MAP2K7: variants seen among roughly 807,000 people sequenced by gnomAD.
The protein encoded by MAP2K7 is mitogen-activated protein kinase kinase 7, also known as dual specificity mitogen-activated protein kinase kinase 7.
Under a neutral mutation model 47.7 loss-of-function variants are expected in MAP2K7, and 12 were observed. That is an observed-to-expected ratio of 0.25 (90% CI 0.16 to 0.41). The LOEUF is 0.41. Ranked by LOEUF, MAP2K7 falls within the 10% of genes least tolerant of loss-of-function variation. The pLI is 1.00. For synonymous variants in MAP2K7, 299 were observed against 243.0 expected (o/e 1.23, Z -2.14); for missense variants, 415 against 600.3 (o/e 0.69, Z 3.23).
chr19:7,912,715 T>C lies in MAP2K7; in HGVS notation c.*284T>C. 1 of 486,046 alleles carries C rather than the reference T, an allele frequency of 2.1e-6. No homozygotes were observed. Among genetic ancestry groups the C allele is most frequent in the Non-Finnish European group, 3.7e-6 (1 of 270,190 alleles). 30.1% of individuals were successfully genotyped at this position (486,046 alleles called of 1,614,324 possible). A position where few individuals can be genotyped will look rare whatever the true frequency, so the allele number is the denominator to read the frequency against. On this transcript the variant is annotated 3_prime_UTR_variant, in exon 11 of 11. Coordinates refer to ENST00000397979, the MANE Select transcript of MAP2K7 (RefSeq NM_145185.4). ...AGTCGCTGTTCATTCAGCCGCAGCC[T>C]CTGGGCCGGGGCGGCCCCCAGGGGC...
chr19:7,910,004 TGGG>T, intron 2 of MAP2K7, 56 bp from the exon 3 acceptor site: 1 of 1,532,278 alleles, frequency 6.5e-7, no homozygotes, highest in Admixed American at 2.3e-5. Flanking sequence ...TATGGGGGAC[TGGG>T]GTGGCCAACC....
intron 1 of MAP2K7, 126 bp downstream of exon 1, chr19:7,904,194 C>CG (rs1982282062): frequency 6.3e-6 from 5 of 798,216 alleles, no homozygotes; most frequent in Non-Finnish European, 8.0e-6. Flanking sequence ...CCGCCCCCCC[C>CG]GCTGCGGGCT....
chr19:7,911,519 C>T lies in MAP2K7; in HGVS notation c.1020C>T (p.Pro340=), dbSNP rs1427761427. ...EVLTKVLQEE[P]PLLPGHMGFS... ...TCACCAAAGTCCTACAGGAAGAGCC[C>T]CCGCTTCTGCCCGGACACATGGGCT... is the stretch of plus-strand genomic sequence containing the variant. Residue 340 remains proline, a synonymous_variant, in exon 9 of 11, where the codon CCC becomes CCT. Transcript: ENST00000397979. 6 of 1,611,906 alleles carry T rather than the reference C, an allele frequency of 3.7e-6. No homozygotes were observed. The highest frequency in any genetic ancestry group is 2.2e-5 in the East Asian group (1 of 44,828).
At chr19:7,905,703 C>A in intron 1 of MAP2K7, 1 of 1,000,402 alleles carries the variant, frequency 1.0e-6, no homozygotes, top group Non-Finnish European at 1.6e-6. Context: ...TCGGTGCCTC[C>A]CCCTCCTCCT....
chr19:7,906,078 T>C, intron 1 of MAP2K7: 1 of 580,732 alleles, frequency 1.7e-6, no homozygotes, highest in Non-Finnish European at 3.1e-6. Flanking sequence ...CCAGCTCCAC[T>C]TTGGACTCCC....
rs1983035932 is a variant in MAP2K7 at position 7,913,068 on chromosome 19, C to CTT, written c.*639_*640dup. On this transcript the variant is annotated 3_prime_UTR_variant, in exon 11 of 11. Coordinates refer to ENST00000397979, the MANE Select transcript of MAP2K7 (RefSeq NM_145185.4). ...GCTCTCTCTCTCTCTCTCTCTCTCT[C>CTT]TTTGATCTCAGGGGGTCCTTTTTGG... is the stretch of plus-strand genomic sequence containing the variant. 1 of 150,344 alleles carries CTT rather than the reference C, an allele frequency of 6.7e-6. No homozygotes were observed. The highest frequency in any genetic ancestry group is 2.5e-5 in the African/African-American group (1 of 40,692). 9.3% of individuals were successfully genotyped at this position (150,344 alleles called of 1,614,324 possible).
intron 1 of MAP2K7, chr19:7,907,157 T>G (rs568745338): frequency 6.7e-6 from 1 of 149,418 alleles, no homozygotes; most frequent in African/African-American, 2.5e-5. Flanking sequence ...AAAAAAAAAA[T>G]TTAAAAAGCG....
chr19:7,905,846 C>T, intron 1 of MAP2K7: 11 of 1,612,678 alleles, frequency 6.8e-6, no homozygotes, highest in Non-Finnish European at 8.5e-6. Context: ...TGCCCCGTCC[C>T]AACGAGCAGG....
Position 7,910,289 on chromosome 19 carries a change from G to A in MAP2K7, c.363G>A (p.Glu121=). ...QRYQAEINDL[E]NLGEMGSGTC... is the part of the protein sequence containing the mutation. ...ACCAGGCAGAAATCAACGACCTGGAGAACTTGGGCGAGATGGGCAGCGGCA... is the reference window on the plus strand; with the variant it reads ...ACCAGGCAGAAATCAACGACCTGGAAAACTTGGGCGAGATGGGCAGCGGCA... Residue 121 remains glutamate, a synonymous_variant, in exon 4 of 11, where the codon GAG becomes GAA. Coordinates refer to ENST00000397979, the MANE Select transcript of MAP2K7 (RefSeq NM_145185.4). 1 of 1,613,352 alleles carries A rather than the reference G, an allele frequency of 6.2e-7. No individual in the cohort carries two copies. Among genetic ancestry groups the A allele is most frequent in the East Asian group, 2.2e-5 (1 of 44,878 alleles).
intron 1 of MAP2K7, chr19:7,906,485 G>A (rs1982466276): frequency 6.5e-6 from 1 of 152,752 alleles, no homozygotes. Context: ...GCCAGGCACG[G>A]TGGCTCACAC....
At position 7,909,748 on chromosome 19, in the gene MAP2K7, C is replaced by G; in HGVS notation, c.125-7C>G. 2.0e-6 allele frequency: 3 copies of G among 1,537,664 alleles called. No homozygotes were observed. The highest frequency in any genetic ancestry group is 2.6e-6 in the Non-Finnish European group (3 of 1,143,424). The stretch of plus-strand genomic sequence containing the variant: ...CCCCTCCCTGCCACTGGTTCTCACC[C>G]CCCTAGCCCTGCAGCTCCCGCTGGC... On this transcript the variant is annotated splice_region_variant and splice_polypyrimidine_tract_variant and intron_variant, in intron 1 of 10. Coordinates refer to ENST00000397979, the MANE Select transcript of MAP2K7 (RefSeq NM_145185.4).
At position 7,904,001 on chromosome 19, in the gene MAP2K7, G is replaced by C; in HGVS notation, c.57G>C (p.Gln19His). Reference protein sequence around the residue: ...KLSRLEAKLKQENREARRRID... With the variant: ...KLSRLEAKLKHENREARRRID... ...CCCGCCTGGAAGCAAAGCTGAAGCA[G>C]GAGAACCGGGAGGCCCGGCGGAGGA... Residue 19 changes from glutamine (Q) to histidine (H), a missense_variant, in exon 1 of 11, where the codon CAG becomes CAC. By Grantham distance (24) the Gln-to-His change is conservative (BLOSUM62 0). Coordinates refer to ENST00000397979, the MANE Select transcript of MAP2K7 (RefSeq NM_145185.4). 2 of 1,546,730 alleles carry C rather than the reference G, an allele frequency of 1.3e-6. No homozygotes were observed. The highest frequency in any genetic ancestry group is 8.7e-7 in the Non-Finnish European group (1 of 1,145,736).
Position 7,910,551 on chromosome 19 carries a change from C to T in MAP2K7, c.546C>T (p.Cys182=), listed in dbSNP as rs2030466907. The change falls in exon 5 of 11, where the codon TGC becomes TGT. Residue 182 remains cysteine (C), a synonymous_variant. Coordinates refer to ENST00000397979, the MANE Select transcript of MAP2K7 (RefSeq NM_145185.4). ...ACGACTGCCCCTACATCGTGCAGTG[C>T]TTTGGGACGTTCATCACCAACGTGA... The part of the protein sequence containing the change: ...KSHDCPYIVQ[C]FGTFITNTDV... 30 of 1,613,658 alleles carry T rather than the reference C, an allele frequency of 1.9e-5. No individual in the cohort carries two copies. The highest frequency in any genetic ancestry group is 2.5e-5 in the Non-Finnish European group (29 of 1,179,976).
Position 7,912,516 on chromosome 19 carries a change from G to A in MAP2K7, c.*85G>A, listed in dbSNP as rs1490612060. On this transcript the variant is annotated 3_prime_UTR_variant, in exon 11 of 11. Transcript: ENST00000397979. ...CACTTGGCCACCCAGCTGCCTGCCA[G>A]GGGAGACCTGGGACCTGGACGGCCA... 2.7e-6 allele frequency: 4 copies of A among 1,466,574 alleles called. No individual in the cohort carries two copies. The highest frequency in any genetic ancestry group is 2.5e-5 in the East Asian group (1 of 40,790). The allele number at this position is 1,466,574 out of a possible 1,614,324, so 90.8% of individuals were successfully genotyped here. A position where few individuals can be genotyped will look rare whatever the true frequency, so the allele number is the denominator to read the frequency against.
Position 7,913,771 on chromosome 19 carries a change from A to G in MAP2K7, c.*1340A>G, listed in dbSNP as rs952133456. ...AAAAAATAACAAAACAAAAAACAAG[A>G]AAAAAAAAACACAAAACCCCGTAAA... On this transcript the variant is annotated 3_prime_UTR_variant, in exon 11 of 11. Transcript: ENST00000397979. 4 of 148,504 alleles carry G rather than the reference A, an allele frequency of 2.7e-5. No individual in the cohort carries two copies. Among genetic ancestry groups the G allele is most frequent in the South Asian group, 2.1e-4 (1 of 4,734 alleles). The allele number at this position is 148,504 out of a possible 1,614,324, so 9.2% of individuals were successfully genotyped here.
chr19:7,906,091 G>A, intron 1 of MAP2K7: 1 of 561,560 alleles, frequency 1.8e-6, no homozygotes, highest in South Asian at 2.1e-5. Context: ...GGACTCCCTG[G>A]AGGAGGAGGT....
intron 1 of MAP2K7, chr19:7,906,027 G>T: frequency 1.5e-6 from 1 of 664,948 alleles, no homozygotes; most frequent in East Asian, 2.5e-5. Flanking sequence ...GCCCAGCCCA[G>T]CCTCCTCTGC....
Position 7,910,437 on chromosome 19 carries a change from G to A in MAP2K7, c.448-16G>A, listed in dbSNP as rs1982754116. The A allele has an allele frequency of 6.2e-7, 1 of 1,603,964 alleles. No individual in the cohort carries two copies. Among genetic ancestry groups the A allele is most frequent in the Non-Finnish European group, 8.5e-7 (1 of 1,175,764 alleles). On this transcript the variant is annotated splice_polypyrimidine_tract_variant and intron_variant, in intron 4 of 10. Transcript: ENST00000397979. ...CAGGCCGGTGCTGAGGCTCCCTCCTGTCCCTGCCTGTGCAGCAAATGCGGC... is the reference window on the plus strand; with the variant it reads ...CAGGCCGGTGCTGAGGCTCCCTCCTATCCCTGCCTGTGCAGCAAATGCGGC...
Position 7,905,982 on chromosome 19 carries a change from T to A in MAP2K7, c.124+1914T>A, listed in dbSNP as rs541457913. 1.0e-3 allele frequency: 845 copies of A among 825,290 alleles called. 8 individuals are homozygous for A. In the South Asian group the frequency reaches 0.011, roughly 11 times the overall value. The allele number at this position is 825,290 out of a possible 1,614,324, so 51.1% of individuals were successfully genotyped here. On this transcript the variant is annotated intron_variant, in intron 1 of 10. Transcript: ENST00000397979. ...GTCCCCATGTCCCTTCCCCTCACTC[T>A]CACTTTCTCTCTCACTCCACTCAAG...
Sources: gnomAD v4.1 joint callset for allele counts on GRCh38, gnomAD v4.1.1 for gene constraint, MANE v1.5 for transcripts, NCBI Gene and HGNC (gene_info 2026-07-23, HGNC 2026-07-21) for gene names.